The following ARMC3 variants were observed in gnomAD, a reference collection of about 807,000 sequenced individuals.
ARMC3 encodes armadillo repeat containing 3.
Under a neutral mutation model 90.3 loss-of-function variants are expected in ARMC3, and 74 were observed. That is an observed-to-expected ratio of 0.82 (90% CI 0.68 to 0.99). The LOEUF is 0.99. ARMC3 is among the 50% of genes least tolerant of loss of function. ARMC3 has a pLI of 0.00. For missense variants in ARMC3, 958 were observed against 1,042.8 expected, an observed-to-expected ratio of 0.92 and a Z score of 1.12; for synonymous variants, 334 against 361.8, an observed-to-expected ratio of 0.92 and a Z score of 0.87.
intron 1 of ARMC3, among the ~76,000 whole-genome samples, chr10:22,930,869 C>T (rs1158940178): frequency 6.6e-6 from 1 of 152,150 alleles, no homozygotes; most frequent in Non-Finnish European, 1.5e-5. Flanking sequence ...TCCACAAACT[C>T]TCACTGAAGA....
At position 22,949,994 on chromosome 10, in the gene ARMC3, A is replaced by T. The variant is rs534558381; in HGVS notation, c.166+3733A>T. On this transcript the variant is annotated intron_variant, in intron 3 of 18. Coordinates refer to ENST00000298032, the MANE Select transcript of ARMC3 (RefSeq NM_173081.5). The stretch of plus-strand genomic sequence containing the variant: ...TGTAGAGCAACAATCTTAAAAGAAT[A>T]AAAGAAAAATAAAAACTTTCAACAC... 8.5e-5 allele frequency among the ~76,000 whole-genome samples: 13 copies of T among 152,276 alleles called. No homozygotes were observed. The South Asian group carries it at 2.5e-3, about 29-fold the overall frequency.
intron 2 of ARMC3, 69 bp downstream of exon 2, chr10:22,932,113 T>C (rs1224876712): frequency 7.0e-6 from 10 of 1,422,224 alleles, no homozygotes; most frequent in Non-Finnish European, 8.7e-6. Context: ...TTCACACAGT[T>C]TGGCATGTAC....
chr10:22,973,386 A>G (rs1835759224), intron 8 of ARMC3, among the ~76,000 whole-genome samples: 1 of 150,686 alleles, frequency 6.6e-6, no homozygotes, highest in African/African-American at 2.4e-5. Context: ...GCTTTGGACT[A>G]GTATTGCATA....
At chr10:22,932,769 AGGAAACT>A (rs998164038) in intron 2 of ARMC3, among the ~76,000 whole-genome samples, 4 of 152,248 alleles carry the variant, frequency 2.6e-5, no homozygotes, top group Non-Finnish European at 5.9e-5. Flanking sequence ...TCAAATTTGA[AGGAAACT>A]GGGCTAATGG....
intron 16 of ARMC3, among the ~76,000 whole-genome samples, chr10:23,010,956 TG>T (rs1247155117): frequency 3.1e-4 from 37 of 120,904 alleles, no homozygotes; most frequent in Non-Finnish European, 4.9e-4. Flanking sequence ...TTCCCTTCCC[TG>T]TTCTTCCCTT....
At chr10:22,976,993 C>A (rs1363730640) in intron 8 of ARMC3, among the ~76,000 whole-genome samples, 1 of 152,152 alleles carries the variant, frequency 6.6e-6, no homozygotes, top group Non-Finnish European at 1.5e-5. Context: ...AAGCACATGG[C>A]CATTGGTTAT....
chr10:23,031,179 A>G, intron 17 of ARMC3: 1 of 177,204 alleles, frequency 5.6e-6, no homozygotes. Context: ...GTAAACTGAT[A>G]AATTTTCTAA....
In ARMC3 at chr10:22,968,479, A is replaced by G. The variant is rs1468571359; in HGVS notation, c.906A>G (p.Ala302=). The change falls in exon 8 of 19, where the codon GCA becomes GCG. Residue 302 remains alanine, a synonymous_variant. Transcript: ENST00000298032. ...ATGCAGCAAAAGCCATTACTAAAGC[A>G]GCTTATGATCGTATGTCTCATTTTA... is the stretch of plus-strand genomic sequence containing the variant. ...QKNAAKAITK[A]AYDPENRKLF... 1.3e-6 allele frequency: 2 copies of G among 1,581,446 alleles called. No homozygotes were observed. Among genetic ancestry groups the G allele is most frequent in the East Asian group, 2.2e-5 (1 of 44,620 alleles).
At position 23,009,066 on chromosome 10, in the gene ARMC3, C is replaced by T. The variant is rs574857227; in HGVS notation, c.2045+135C>T. 220 of 697,418 alleles carry T rather than the reference C, an allele frequency of 3.2e-4. 1 individual carries two copies. Among genetic ancestry groups the T allele is most frequent in the Non-Finnish European group, 4.6e-4 (196 of 427,196 alleles). 43.2% of individuals were successfully genotyped at this position (697,418 alleles called of 1,614,324 possible). On this transcript the variant is annotated intron_variant, in intron 16 of 18. Transcript: ENST00000298032. ...CTCATGAGATGAAATTTAAAAGAAA[C>T]TTGATTTTTGTCTCTTACCATCTCT...
At chr10:23,023,811 A>G (rs1838605771) in intron 16 of ARMC3, among the ~76,000 whole-genome samples, 1 of 152,030 alleles carries the variant, frequency 6.6e-6, no homozygotes, top group Non-Finnish European at 1.5e-5. Context: ...TAACCAAGAG[A>G]AAAATTAACT....
intron 18 of ARMC3, among the ~76,000 whole-genome samples, chr10:23,035,150 A>G (rs1013219864): frequency 1.3e-5 from 2 of 152,166 alleles, no homozygotes; most frequent in African/African-American, 4.8e-5. Context: ...TTCTTGCTGT[A>G]TCCTCAAATG....
At chr10:23,026,673 A>C (rs951457996) in intron 16 of ARMC3, among the ~76,000 whole-genome samples, 2 of 152,150 alleles carry the variant, frequency 1.3e-5, no homozygotes, top group African/African-American at 4.8e-5. Flanking sequence ...ACTGCAAACA[A>C]TATCATAACT....
chr10:22,942,471 T>C (rs1026177731), intron 2 of ARMC3, among the ~76,000 whole-genome samples: 3 of 152,188 alleles, frequency 2.0e-5, no homozygotes, highest in Non-Finnish European at 4.4e-5. Context: ...GCCTAGGATA[T>C]AGTGGTAGCA....
chr10:22,938,266 G>A (rs940528671), intron 2 of ARMC3, among the ~76,000 whole-genome samples: 1 of 152,144 alleles, frequency 6.6e-6, no homozygotes, highest in Non-Finnish European at 1.5e-5. Flanking sequence ...AGGAAGGTTG[G>A]TGTGACAGGA....
At chr10:23,033,715 G>A (rs1410236203) in intron 18 of ARMC3, among the ~76,000 whole-genome samples, 5 of 152,172 alleles carry the variant, frequency 3.3e-5, no homozygotes, top group African/African-American at 1.2e-4. Flanking sequence ...GGCAACAGAT[G>A]GGGAATGAAT....
At chr10:22,975,370 C>T (rs192342011) in intron 8 of ARMC3, among the ~76,000 whole-genome samples, 1 of 152,262 alleles carries the variant, frequency 6.6e-6, no homozygotes, top group Non-Finnish European at 1.5e-5. Context: ...GCCTGGCCAA[C>T]ATGGTGAAAC....
chr10:23,032,971 C>G lies in ARMC3; in HGVS notation c.2357C>G (p.Pro786Arg). Residue 786 changes from proline (P) to arginine (R), a missense_variant, in exon 18 of 19, where the codon CCG (proline) becomes CGG (arginine). Transcript: ENST00000298032. ...TTTCAACTTAAATCCAATGTTATACCGATTGGACATGTCAAAAAAGGAATC... is the reference window on the plus strand; with the variant it reads ...TTTCAACTTAAATCCAATGTTATACGGATTGGACATGTCAAAAAAGGAATC... ...LKFQLKSNVI[P>R]IGHVKKGIFY... is the part of the protein sequence containing the mutation. 1 of 1,612,814 alleles carries G rather than the reference C, an allele frequency of 6.2e-7. No individual in the cohort carries two copies. Among genetic ancestry groups the G allele is most frequent in the Non-Finnish European group, 8.5e-7 (1 of 1,179,304 alleles).
intron 8 of ARMC3, among the ~76,000 whole-genome samples, chr10:22,975,108 T>C (rs1026339747): frequency 1.3e-5 from 2 of 152,224 alleles, no homozygotes; most frequent in Non-Finnish European, 2.9e-5. Context: ...TTAACCAGAG[T>C]ATATTTTTCA....
Position 22,981,465 on chromosome 10 carries a change from G to C in ARMC3, c.1042G>C (p.Gly348Arg). The stretch of plus-strand genomic sequence containing the variant: ...TATTTCAGCAATGTGTGAGAATTCA[G>C]GCAGCAAAGATTTTTTCAATAATCA... ...QAISAMCENS[G>R]SKDFFNNQGI... Residue 348 changes from glycine (G) to arginine (R), a missense_variant, in exon 9 of 19, where the codon GGC becomes CGC. Coordinates refer to ENST00000298032, the MANE Select transcript of ARMC3 (RefSeq NM_173081.5). The C allele has an allele frequency of 1.2e-6, 2 of 1,613,892 alleles. No homozygotes were observed. Among genetic ancestry groups the C allele is most frequent in the African/African-American group, 2.7e-5 (2 of 75,018 alleles).
Sources: gnomAD v4.1 joint callset for allele counts (sites outside exome capture counted in the v4.1 genomes callset) on GRCh38, gnomAD v4.1.1 for gene constraint, MANE v1.5 for transcripts, NCBI Gene and HGNC (gene_info 2026-07-23, HGNC 2026-07-21) for gene names.